VAV2: variants seen among roughly 807,000 people sequenced by gnomAD.
VAV2 encodes the protein guanine nucleotide exchange factor VAV2.
In VAV2, 67 loss-of-function variants were observed where a neutral mutation model predicts 132.5. The observed-to-expected ratio is 0.51, with a 90% CI of 0.42 to 0.62. The LOEUF is 0.62. VAV2 is among the 20% of genes least tolerant of loss of function. The pLI is 0.00. For missense variants in VAV2, 938 were observed against 1,153.6 expected (o/e 0.81, Z 2.71); for synonymous variants, 492 against 443.5 (o/e 1.11, Z -1.37).
At chr9:133,979,289 T>G (rs141737749) in intron 1 of VAV2, among the ~76,000 whole-genome samples, 2 of 151,948 alleles carry the variant, frequency 1.3e-5, no homozygotes, top group Non-Finnish European at 2.9e-5. Flanking sequence ...GAATGCAGGG[T>G]CCAGAGAGGC....
intron 1 of VAV2, among the ~76,000 whole-genome samples, chr9:133,976,299 C>T (rs1842507717): frequency 6.6e-6 from 1 of 152,206 alleles, no homozygotes; most frequent in Non-Finnish European, 1.5e-5. Context: ...GGTCCCTCAA[C>T]CCCTGATGGA....
intron 4 of VAV2, among the ~76,000 whole-genome samples, chr9:133,820,592 TG>T (rs1835749316): frequency 6.6e-6 from 1 of 152,230 alleles, no homozygotes; most frequent in South Asian, 2.1e-4. Context: ...CCCAAAGTGC[TG>T]GGATTACAGG....
chr9:133,992,215 G>T lies in VAV2; in HGVS notation c.64C>A (p.Arg22=). 1.3e-6 allele frequency: 2 copies of T among 1,594,576 alleles called. No individual in the cohort carries two copies. Among genetic ancestry groups the T allele is most frequent in the Non-Finnish European group, 1.7e-6 (2 of 1,171,108 alleles). ...ACCACGGCCGAGGGCCACACCACCCGGTGGTTGGGCGGCAGGACCTTGCAA... is the reference window on the plus strand; with the variant it reads ...ACCACGGCCGAGGGCCACACCACCCTGTGGTTGGGCGGCAGGACCTTGCAA... The part of the protein sequence containing the change: ...IDCKVLPPNH[R]VVWPSAVVFD... The change falls in exon 1 of 30, where the codon CGG becomes AGG. Residue 22 remains arginine (R), a synonymous_variant. Coordinates refer to ENST00000371850, the MANE Select transcript of VAV2 (RefSeq NM_001134398.2). This position sits in a 1 kb window ranked among gnomAD's most constrained non-coding sequence, Gnocchi z 5.5.
Position 133,919,008 on chromosome 9 carries a change from T to C in VAV2, c.321+20095A>G, listed in dbSNP as rs1007199136. Among the ~76,000 whole-genome samples, 7 of 152,030 alleles carry C rather than the reference T, an allele frequency of 4.6e-5. No individual in the cohort carries two copies. The highest frequency in any genetic ancestry group is 1.4e-4 in the African/African-American group (6 of 41,392). ...CAGGCTGGTCTCGAACTCCTGACCT[T>C]GTGATCCTCCCACCTCGGCCTCCCA... is the stretch of plus-strand genomic sequence containing the variant. On this transcript the variant is annotated intron_variant, in intron 2 of 29. Transcript: ENST00000371850. The surrounding 1 kb of genome is among the most constrained non-coding windows in gnomAD (Gnocchi z 5.8).
At chr9:133,795,815 G>T (rs1346329556) in intron 11 of VAV2, 79 bp from the exon 12 acceptor site, 6 of 1,510,208 alleles carry the variant, frequency 4.0e-6, no homozygotes, top group Admixed American at 3.5e-5. Context: ...GGGGCAGGAG[G>T]TGTGCACAGA....
In VAV2 at chr9:133,794,111, C is replaced by T. The variant is rs897510903; in HGVS notation, c.1101+1557G>A. Among the ~76,000 whole-genome samples, 4 of 152,032 alleles carry T rather than the reference C, an allele frequency of 2.6e-5. No individual in the cohort carries two copies. Among genetic ancestry groups the T allele is most frequent in the Admixed American group, 6.6e-5 (1 of 15,266 alleles). The stretch of plus-strand genomic sequence containing the variant: ...GACACCGAGTGCTGAGAGTATGAAA[C>T]GCAAGACCACACTCAGGGCCCGGGT... On this transcript the variant is annotated intron_variant, in intron 12 of 29. Transcript: ENST00000371850. This position sits in a 1 kb window ranked among gnomAD's most constrained non-coding sequence, Gnocchi z 4.6.
chr9:133,860,715 G>A (rs984832452), intron 3 of VAV2, among the ~76,000 whole-genome samples: 5 of 152,012 alleles, frequency 3.3e-5, no homozygotes, highest in African/African-American at 9.7e-5. Context: ...CCAGACACAC[G>A]TCCCCACCCA....
chr9:133,769,440 C>G lies in VAV2; in HGVS notation c.2411G>C (p.Gly804Ala), dbSNP rs1210783594. ...SPQGLSFASQGPSAPFWSVFT... is the reference protein window; with the variant it reads ...SPQGLSFASQAPSAPFWSVFT... ...ACCTGACCAGAAGGGAGCGGAGGGG[C>G]CCTGAGAAGCAAAGCTGAGGCCCTG... The change falls in exon 28 of 30, where the codon GGC (glycine) becomes GCC (alanine). Residue 804 changes from glycine to alanine, a missense_variant. Coordinates refer to ENST00000371850, the MANE Select transcript of VAV2 (RefSeq NM_001134398.2). The surrounding 1 kb of genome is among the most constrained non-coding windows in gnomAD (Gnocchi z 8.1). 19 of 1,612,958 alleles carry G rather than the reference C, an allele frequency of 1.2e-5. No individual in the cohort carries two copies. Among genetic ancestry groups the G allele is most frequent in the Non-Finnish European group, 1.6e-5 (19 of 1,179,502 alleles).
chr9:133,769,058 T>C lies in VAV2; in HGVS notation c.2434+359A>G, dbSNP rs1022868050. On this transcript the variant is annotated intron_variant, in intron 28 of 29. Transcript: ENST00000371850. This position sits in a 1 kb window ranked among gnomAD's most constrained non-coding sequence, Gnocchi z 8.1. Reference sequence around the variant, plus strand: ...AGGCTGACTGAAAACCCCTCCTCCCTGCACCCAAGTCCCACAGCTCCTCCT... The same window carrying C: ...AGGCTGACTGAAAACCCCTCCTCCCCGCACCCAAGTCCCACAGCTCCTCCT... Among the ~76,000 whole-genome samples the C allele has an allele frequency of 1.3e-5, 2 of 152,212 alleles. No individual in the cohort carries two copies. Among genetic ancestry groups the C allele is most frequent in the African/African-American group, 4.8e-5 (2 of 41,446 alleles).
intron 2 of VAV2, among the ~76,000 whole-genome samples, chr9:133,920,550 C>T (rs1341130129): frequency 6.6e-6 from 1 of 152,166 alleles, no homozygotes; most frequent in African/African-American, 2.4e-5. Context: ...GTCCCTGAGG[C>T]CACATGGAAA....
At position 133,877,380 on chromosome 9, in the gene VAV2, A is replaced by G. The variant is rs191820006; in HGVS notation, c.322-15948T>C. Among the ~76,000 whole-genome samples the G allele has an allele frequency of 1.2e-4, 18 of 152,294 alleles. No individual in the cohort carries two copies. The East Asian group carries it at 3.3e-3, about 28-fold the overall frequency. ...AGCCCAAAATCAGCCACTGCCCACA[A>G]GCAGGGTGGGACCATCACACTGCCA... On this transcript the variant is annotated intron_variant, in intron 2 of 29. Coordinates refer to ENST00000371850, the MANE Select transcript of VAV2 (RefSeq NM_001134398.2).
rs939621755 is a variant in VAV2 at position 133,969,344 on chromosome 9, G to A, written c.204+22731C>T. Among the ~76,000 whole-genome samples, 3 of 152,150 alleles carry A rather than the reference G, an allele frequency of 2.0e-5. No homozygotes were observed. The highest frequency in any genetic ancestry group is 2.9e-5 in the Non-Finnish European group (2 of 68,028). On this transcript the variant is annotated intron_variant, in intron 1 of 29. Coordinates refer to ENST00000371850, the MANE Select transcript of VAV2 (RefSeq NM_001134398.2). The surrounding 1 kb of genome is among the most constrained non-coding windows in gnomAD (Gnocchi z 5.1). ...GGAATTCAGTCTGTGCCAATCAGAC[G>A]TCTCTCTCCAGGGATCTGACAGTGC...
chr9:133,915,073 C>T lies in VAV2; in HGVS notation c.321+24030G>A, dbSNP rs76838643. Among the ~76,000 whole-genome samples, 48 of 152,214 alleles carry T rather than the reference C, an allele frequency of 3.2e-4. No individual in the cohort carries two copies. The East Asian group carries it at 7.4e-3, about 23-fold the overall frequency. ...GAAAACACCAAGGAGTGCTTTGAAA[C>T]AGGCCGCTTGGCCGGAAGAGCACCG... is the stretch of plus-strand genomic sequence containing the variant. On this transcript the variant is annotated intron_variant, in intron 2 of 29. Transcript: ENST00000371850.
intron 2 of VAV2, among the ~76,000 whole-genome samples, chr9:133,881,942 G>A (rs1311703963): frequency 6.6e-6 from 1 of 152,156 alleles, no homozygotes; most frequent in Non-Finnish European, 1.5e-5. Flanking sequence ...CCAGCATGAC[G>A]CCTCCTGCTT....
intron 23 of VAV2, 115 bp downstream of exon 23, chr9:133,777,274 A>C: frequency 9.4e-7 from 1 of 1,067,398 alleles, no homozygotes; most frequent in East Asian, 2.4e-5. Context: ...ACAGCAGCCT[A>C]AATTTAGCAA....
chr9:133,949,835 G>A (rs1475116366), intron 1 of VAV2, among the ~76,000 whole-genome samples: 1 of 152,228 alleles, frequency 6.6e-6, no homozygotes, highest in African/African-American at 2.4e-5. Flanking sequence ...TCAAGGCCAG[G>A]AGGTCCCAGA....
rs926259203 is a variant in VAV2 at position 133,863,328 on chromosome 9, G to A, written c.322-1896C>T. Among the ~76,000 whole-genome samples the A allele has an allele frequency of 6.6e-6, 1 of 152,206 alleles. No homozygotes were observed. Among genetic ancestry groups the A allele is most frequent in the Admixed American group, 6.5e-5 (1 of 15,286 alleles). On this transcript the variant is annotated intron_variant, in intron 2 of 29. Transcript: ENST00000371850. The surrounding 1 kb of genome is among the most constrained non-coding windows in gnomAD (Gnocchi z 5.0). ...CGCAGGCCCAGAGCCCTCCTCCGTG[G>A]AGTCTAAGGAGGCACCAGCATTCGG...
intron 25 of VAV2, among the ~76,000 whole-genome samples, chr9:133,774,475 C>T (rs1833741124): frequency 1.3e-5 from 2 of 152,202 alleles, no homozygotes; most frequent in South Asian, 4.1e-4. Flanking sequence ...GGGCATAGGG[C>T]AGGAGGATGC....
Position 133,935,284 on chromosome 9 carries a change from C to G in VAV2, c.321+3819G>C, listed in dbSNP as rs901374476. Reference sequence around the variant, plus strand: ...TGTAGGAAACGCTCAGTAAATGCCCCGAAAAAATGAAAGGGGCATTCGCTC... The same window carrying G: ...TGTAGGAAACGCTCAGTAAATGCCCGGAAAAAATGAAAGGGGCATTCGCTC... On this transcript the variant is annotated intron_variant, in intron 2 of 29. Transcript: ENST00000371850. This position sits in a 1 kb window ranked among gnomAD's most constrained non-coding sequence, Gnocchi z 5.2. Among the ~76,000 whole-genome samples, 1 of 152,046 alleles carries G rather than the reference C, an allele frequency of 6.6e-6. No individual in the cohort carries two copies. The highest frequency in any genetic ancestry group is 2.4e-5 in the African/African-American group (1 of 41,388).
Sources: gnomAD v4.1 joint callset for allele counts (sites outside exome capture counted in the v4.1 genomes callset) on GRCh38, gnomAD v4.1.1 for gene constraint, Gnocchi (gnomAD v3.1) non-coding constraint, MANE v1.5 for transcripts, NCBI Gene and HGNC (gene_info 2026-07-23, HGNC 2026-07-21) for gene names.